TMEM255A: variants seen among roughly 807,000 people sequenced by gnomAD.
TMEM255A encodes family with sequence similarity 70, member A.
A neutral mutation model predicts 23.5 loss-of-function variants in TMEM255A; 14 were observed. The ratio of observed to expected loss-of-function variants is 0.60; its 90% CI spans 0.39 to 0.93. The LOEUF (loss-of-function observed/expected upper bound fraction) is 0.93, where lower values mean the gene tolerates loss of function less well. Among genes scored for constraint, TMEM255A ranks in the 40% least tolerant of loss-of-function variants. The probability of loss-of-function intolerance (pLI) is 0.00; values close to 1 mark genes in which losing one functional copy is unlikely to be tolerated. For synonymous variants in TMEM255A, 104 were observed against 100.3 expected (o/e 1.04, Z -0.22); for missense variants, 233 against 261.7 (o/e 0.89, Z 0.76).
intron 6 of TMEM255A, among the ~76,000 whole-genome samples, chrX:120,277,972 C>T (rs72607678): frequency 0.068 from 7,548 of 111,677 alleles, 238 homozygotes; most frequent in East Asian, 0.12. Context: ...TTAGATAGGG[C>T]TTTTAGAAGA....
rs1479186450 is a variant in TMEM255A, at chrX:120,259,373, T to C, written c.*1497A>G. On this transcript the variant is annotated 3_prime_UTR_variant, in exon 9 of 9. Transcript: ENST00000371369. ...AACTGAATATCTTGCAAACATTTAC[T>C]GTTAATGAGAGAGTGCACTTCTTGT... 1 of 112,307 alleles carries C rather than the reference T, an allele frequency of 8.9e-6. No individual in the cohort carries two copies. Among genetic ancestry groups the C allele is most frequent in the East Asian group, 2.8e-4 (1 of 3,625 alleles). The allele number at this position is 112,307 out of a possible 1,213,427, so 9.3% of individuals were successfully genotyped here. A position where few individuals can be genotyped will look rare whatever the true frequency, so the allele number is the denominator to read the frequency against.
chrX:120,257,483 C>T (rs1318805973), downstream of TMEM255A: 2 of 122,651 alleles, frequency 1.6e-5, no homozygotes, highest in Admixed American at 1.9e-4. Flanking sequence ...TTATGACAAA[C>T]CAGGAACTAA....
At chrX:120,268,177 G>A (rs2057729900) in intron 8 of TMEM255A, 67 bp downstream of exon 8, 1 of 1,078,706 alleles carries the variant, frequency 9.3e-7, no homozygotes, top group African/African-American at 1.9e-5. Context: ...TTGAATTTAG[G>A]GAGAGAACAA....
chrX:120,309,672 CTCTG>C (rs55649825), intron 1 of TMEM255A, among the ~76,000 whole-genome samples: 180 of 112,252 alleles, frequency 1.6e-3, no homozygotes, highest in Non-Finnish European at 2.9e-3. Flanking sequence ...ATTCCCACCT[CTCTG>C]TCTCTCTCTC....
In TMEM255A at chrX:120,260,968, A is replaced by G; in HGVS notation, c.880T>C (p.Ser294Pro). The change falls in exon 9 of 9, where the codon TCT becomes CCT. Residue 294 changes from serine to proline, a missense_variant. Coordinates refer to ENST00000371369, the MANE Select transcript of TMEM255A (RefSeq NM_001104544.3). ...GACCACATGTAGCTGGGTGAGGGAG[A>G]GGCAGACTGGGGCTCATCAGAAAGT... ...SGLSDEPQSASPSPSYMWSSS... is the reference protein window; with the variant it reads ...SGLSDEPQSAPPSPSYMWSSS... The G allele has an allele frequency of 8.3e-7, 1 of 1,198,770 alleles. No individual in the cohort carries two copies. The highest frequency in any genetic ancestry group is 1.1e-6 in the Non-Finnish European group (1 of 891,310).
chrX:120,309,120 A>ACCAGGG (rs1317314000), intron 1 of TMEM255A, among the ~76,000 whole-genome samples: 1 of 112,540 alleles, frequency 8.9e-6, no homozygotes, highest in African/African-American at 3.2e-5. Flanking sequence ...ACTGTGCGGG[A>ACCAGGG]CCAGGGCCAG....
chrX:120,311,278 C>G lies in TMEM255A; in HGVS notation c.32G>C (p.Ser11Thr). The G allele has an allele frequency of 1.7e-6, 2 of 1,185,443 alleles. No individual in the cohort carries two copies. Among genetic ancestry groups the G allele is most frequent in the Non-Finnish European group, 2.3e-6 (2 of 881,840 alleles). ...CATGGAATCGGGCAGGGACATGTCGCTGGACCGCTGCTGAGTCAGGGACTG... is the reference window on the plus strand; with the variant it reads ...CATGGAATCGGGCAGGGACATGTCGGTGGACCGCTGCTGAGTCAGGGACTG... MHQSLTQQRSSDMSLPDSMGA... is the reference protein window; with the variant it reads MHQSLTQQRSTDMSLPDSMGA... Residue 11 changes from serine (S) to threonine (T), a missense_variant, in exon 1 of 9, where the codon AGC becomes ACC. By Grantham distance (58) the Ser-to-Thr change is moderately conservative (BLOSUM62 1). Transcript: ENST00000371369.
chrX:120,277,155 A>G, intron 6 of TMEM255A, 108 bp from the exon 7 acceptor site: 1 of 587,193 alleles, frequency 1.7e-6, no homozygotes, highest in Non-Finnish European at 2.7e-6. Flanking sequence ...GTGAAAAGAC[A>G]GGTGGGCAGG....
rs138777460 is a variant in TMEM255A, at chrX:120,288,040, G to A, written c.355-818C>T. On this transcript the variant is annotated intron_variant, in intron 4 of 8. Coordinates refer to ENST00000371369, the MANE Select transcript of TMEM255A (RefSeq NM_001104544.3). ...TGCTAAACCTCCCCTGAGTGGTAGG[G>A]GGCTTCTTCCAAAGGCACCTTAGGA... Among the ~76,000 whole-genome samples the A allele has an allele frequency of 3.2e-3, 352 of 111,104 alleles. 2 individuals are homozygous for A. Among genetic ancestry groups the A allele is most frequent in the African/African-American group, 0.011 (333 of 30,506 alleles).
downstream of TMEM255A, chrX:120,257,453 TG>T (rs781963460): frequency 8.1e-6 from 1 of 123,165 alleles, no homozygotes; most frequent in South Asian, 3.7e-4. Context: ...TAATAAAACT[TG>T]GCAGATTCTA....
At chrX:120,302,011 A>C (rs1166323667) in intron 2 of TMEM255A, among the ~76,000 whole-genome samples, 1 of 112,091 alleles carries the variant, frequency 8.9e-6, no homozygotes, top group East Asian at 2.8e-4. Context: ...ATTTTAAAGA[A>C]GCAATCTCCA....
Position 120,285,561 on chromosome X carries a change from A to G in TMEM255A, c.424-346T>C. On this transcript the variant is annotated intron_variant, in intron 5 of 8. Transcript: ENST00000371369. ...GCAGGCAAAATCAGGGTACAGGAGG[A>G]AAGAAGATAAGGTGGGAAGGAAGAC... is the stretch of plus-strand genomic sequence containing the variant. 1.7e-5 allele frequency: 20 copies of G among 1,195,115 alleles called. No individual in the cohort carries two copies. In the South Asian group the frequency reaches 3.6e-4, roughly 21 times the overall value.
chrX:120,276,811 TC>T, intron 7 of TMEM255A, 73 bp downstream of exon 7: 11 of 1,048,146 alleles, frequency 1.0e-5, no homozygotes, highest in Non-Finnish European at 1.4e-5. Flanking sequence ...TGTCTGCATT[TC>T]CCCCAACTGC....
Position 120,261,048 on chromosome X carries a change from CG to C in TMEM255A, c.820-21del, listed in dbSNP as rs2057676321. The C allele has an allele frequency of 4.2e-6, 5 of 1,183,618 alleles. No individual in the cohort carries two copies. The highest frequency in any genetic ancestry group is 5.6e-6 in the Non-Finnish European group (5 of 886,930). ...GGAATGCTGTGTGATAAAAAGAAAA[CG>C]TTAGTTTAGGCAGTGAGTTTGCAAT... On this transcript the variant is annotated intron_variant, in intron 8 of 8. Coordinates refer to ENST00000371369, the MANE Select transcript of TMEM255A (RefSeq NM_001104544.3).
chrX:120,254,517 G>C (rs1209363242), downstream of TMEM255A: 8 of 1,211,693 alleles, frequency 6.6e-6, no homozygotes, highest in Middle Eastern at 2.3e-4. Flanking sequence ...TACCAGTTTT[G>C]ATGGATCATT....
chrX:120,260,038 T>C lies in TMEM255A; in HGVS notation c.*832A>G, dbSNP rs1301445501. The C allele has an allele frequency of 6.1e-5, 35 of 577,412 alleles. No homozygotes were observed. The highest frequency in any genetic ancestry group is 7.1e-5 in the Non-Finnish European group (34 of 479,071). The allele number at this position is 577,412 out of a possible 1,213,427, so 47.6% of individuals were successfully genotyped here. A position where few individuals can be genotyped will look rare whatever the true frequency, so the allele number is the denominator to read the frequency against. On this transcript the variant is annotated 3_prime_UTR_variant, in exon 9 of 9. Coordinates refer to ENST00000371369, the MANE Select transcript of TMEM255A (RefSeq NM_001104544.3). The stretch of plus-strand genomic sequence containing the variant: ...TTCATATCACGACCCAAGAACCTAA[T>C]TTATAACATTTTTAAACTCTGAATT...
intron 7 of TMEM255A, among the ~76,000 whole-genome samples, chrX:120,272,740 A>ATTTTT (rs781928518): frequency 1.2e-5 from 1 of 81,014 alleles, no homozygotes; most frequent in Non-Finnish European, 2.3e-5. Flanking sequence ...GTCTTGGGCT[A>ATTTTT]TTTTTTTTTT....
At chrX:120,308,670 C>A (rs925091738) in intron 1 of TMEM255A, among the ~76,000 whole-genome samples, 4 of 111,919 alleles carry the variant, frequency 3.6e-5, no homozygotes, top group South Asian at 3.8e-4. Flanking sequence ...AGGCCGCCCG[C>A]GAATTACAAA....
chrX:120,287,330 C>G (rs2057884166), intron 4 of TMEM255A, 108 bp from the exon 5 acceptor site: 5 of 566,371 alleles, frequency 8.8e-6, no homozygotes, highest in Non-Finnish European at 1.5e-5. Flanking sequence ...CACACACACA[C>G]ACACACAGAA....
Sources: allele counts gnomAD v4.1 joint callset (sites outside exome capture counted in the v4.1 genomes callset), GRCh38; gene constraint gnomAD v4.1.1; transcripts MANE v1.5; gene names NCBI Gene and HGNC (gene_info 2026-07-23, HGNC 2026-07-21).